The following PPP1R1C variants were observed in gnomAD, a reference collection of about 807,000 sequenced individuals.
The protein encoded by PPP1R1C is protein phosphatase 1 regulatory inhibitor subunit 1C.
A neutral mutation model predicts 17.4 loss-of-function variants in PPP1R1C; 15 were observed. The ratio of observed to expected loss-of-function variants is 0.86; its 90% CI spans 0.58 to 1.33. The LOEUF is 1.33. Ranked by LOEUF, PPP1R1C falls within the 40% of genes most tolerant of loss-of-function variation. PPP1R1C has a pLI of 0.00. For missense variants in PPP1R1C, 143 were observed against 130.0 expected (o/e 1.10, Z -0.48); for synonymous variants, 35 against 43.1 (o/e 0.81, Z 0.73).
At chr2:182,123,174 G>A (rs1038062083) in intron 5 of PPP1R1C, among the ~76,000 whole-genome samples, 1 of 152,186 alleles carries the variant, frequency 6.6e-6, no homozygotes. Flanking sequence ...GCCTGCAAAG[G>A]ACAAGAACTC....
At chr2:182,045,151 A>T (rs1237690725) in intron 2 of PPP1R1C, among the ~76,000 whole-genome samples, 1 of 152,230 alleles carries the variant, frequency 6.6e-6, no homozygotes. Context: ...ATTTGAGACA[A>T]GAAAACTGAG....
intron 2 of PPP1R1C, among the ~76,000 whole-genome samples, chr2:182,010,430 T>C (rs1243451418): frequency 1.3e-5 from 2 of 152,096 alleles, no homozygotes; most frequent in African/African-American, 4.8e-5. Flanking sequence ...GATTGTTTAC[T>C]GTTGCCATAT....
intron 2 of PPP1R1C, among the ~76,000 whole-genome samples, chr2:182,051,567 C>T (rs1687519150): frequency 1.3e-5 from 2 of 152,142 alleles, no homozygotes; most frequent in South Asian, 2.1e-4. Flanking sequence ...CATAAACTTA[C>T]ATGGCCTCTA....
At chr2:182,080,076 G>A (rs971880982) in intron 4 of PPP1R1C, among the ~76,000 whole-genome samples, 1 of 152,180 alleles carries the variant, frequency 6.6e-6, no homozygotes, top group Non-Finnish European at 1.5e-5. Context: ...ATACCTCACT[G>A]GTTTTGAGGA....
At chr2:182,077,592 A>G (rs1054127647) in intron 4 of PPP1R1C, among the ~76,000 whole-genome samples, 1 of 152,178 alleles carries the variant, frequency 6.6e-6, no homozygotes, top group Non-Finnish European at 1.5e-5. Context: ...GTAATTACTC[A>G]ATAGACCAGA....
chr2:181,967,323 T>C lies in PPP1R1C; in HGVS notation n.112-7896T>C, dbSNP rs919914034. ...CTGCTCTGATACCTGTGGGGTTTTT[T>C]TTCTTGTACTAATTTTGGGTTTGGT... On this transcript the variant is annotated intron_variant and non_coding_transcript_variant, in intron 1 of 5. Transcript: ENST00000464264. The surrounding 1 kb of genome is among the most constrained non-coding windows in gnomAD (Gnocchi z 5.5). Among the ~76,000 whole-genome samples, 3 of 152,144 alleles carry C rather than the reference T, an allele frequency of 2.0e-5. No homozygotes were observed. Among genetic ancestry groups the C allele is most frequent in the Non-Finnish European group, 4.4e-5 (3 of 68,016 alleles).
chr2:182,015,929 C>T (rs1252953894), intron 2 of PPP1R1C, among the ~76,000 whole-genome samples: 1 of 152,178 alleles, frequency 6.6e-6, no homozygotes, highest in East Asian at 1.9e-4. Flanking sequence ...TGGTATCTCA[C>T]TAGGTCATTT....
chr2:182,053,800 G>A (rs1485938001), intron 2 of PPP1R1C, among the ~76,000 whole-genome samples: 4 of 150,798 alleles, frequency 2.7e-5, no homozygotes, highest in Admixed American at 6.6e-5. Context: ...ATTCTTTTGA[G>A]ACAGAATTTT....
At chr2:182,090,082 A>T (rs1248038632) in intron 4 of PPP1R1C, among the ~76,000 whole-genome samples, 1 of 152,142 alleles carries the variant, frequency 6.6e-6, no homozygotes, top group Non-Finnish European at 1.5e-5. Flanking sequence ...CAAGAAATAG[A>T]TTCATTTTCC....
chr2:182,061,214 G>A (rs1309938672), intron 2 of PPP1R1C, among the ~76,000 whole-genome samples: 2 of 152,032 alleles, frequency 1.3e-5, no homozygotes, highest in Non-Finnish European at 2.9e-5. Flanking sequence ...GAGAAATCTG[G>A]GATGTCAAGA....
intron 1 of PPP1R1C, among the ~76,000 whole-genome samples, chr2:181,969,830 A>G (rs1283831211): frequency 6.6e-6 from 1 of 152,132 alleles, no homozygotes; most frequent in East Asian, 1.9e-4. Context: ...TGTGTTTTCA[A>G]ACAGCCTGTC....
intron 2 of PPP1R1C, among the ~76,000 whole-genome samples, chr2:182,010,545 A>G (rs1344892494): frequency 6.6e-6 from 1 of 152,040 alleles, no homozygotes; most frequent in East Asian, 1.9e-4. Flanking sequence ...GTTTTTCCAA[A>G]TATAAGATCA....
At chr2:182,017,652 T>C (rs187022134) in intron 2 of PPP1R1C, among the ~76,000 whole-genome samples, 5 of 152,218 alleles carry the variant, frequency 3.3e-5, no homozygotes, top group African/African-American at 9.6e-5. Context: ...GTAGATGCAG[T>C]GATGAAGAAA....
At chr2:181,972,891 A>G (rs1685036224) in intron 1 of PPP1R1C, among the ~76,000 whole-genome samples, 1 of 152,222 alleles carries the variant, frequency 6.6e-6, no homozygotes, top group African/African-American at 2.4e-5. Flanking sequence ...AGCTTAGCAC[A>G]TTACAACCTG....
At position 181,993,481 on chromosome 2, in the gene PPP1R1C, T is replaced by C. The variant is rs151197661; in HGVS notation, c.142+5582T>C. On this transcript the variant is annotated intron_variant, in intron 2 of 4. Transcript: ENST00000682840. ...TACTGGCCCATTGTCCACATACTTA[T>C]GTTGCATTTTAAATGGTCTCATTTG... is the stretch of plus-strand genomic sequence containing the variant. Among the ~76,000 whole-genome samples the C allele has an allele frequency of 5.9e-3, 905 of 152,294 alleles. 9 individuals carry two copies. Among genetic ancestry groups the C allele is most frequent in the Non-Finnish European group, 9.6e-3 (651 of 67,996 alleles).
At position 182,084,557 on chromosome 2, in the gene PPP1R1C, A is replaced by G. The variant is rs141784813; in HGVS notation, c.241+20766A>G. On this transcript the variant is annotated intron_variant, in intron 4 of 4. Transcript: ENST00000682840. ...CCCATTTTATGTTTTTGTATGCTTC[A>G]TTTAAGATCAGCTGGCTGTATTTGG... is the stretch of plus-strand genomic sequence containing the variant. Among the ~76,000 whole-genome samples, 375 of 152,006 alleles carry G rather than the reference A, an allele frequency of 2.5e-3. 4 individuals carry two copies. The highest frequency in any genetic ancestry group is 8.5e-3 in the African/African-American group (352 of 41,532).
intron 4 of PPP1R1C, among the ~76,000 whole-genome samples, chr2:182,103,137 C>A (rs986769675): frequency 1.6e-4 from 25 of 151,900 alleles, no homozygotes; most frequent in African/African-American, 5.8e-4. Context: ...TTTATAATGT[C>A]TAAAAGTTGG....
At position 181,976,919 on chromosome 2, in the gene PPP1R1C, C is replaced by CTTGAGGCCAGGAGT. The variant is rs1433043647; in HGVS notation, n.157+1657_157+1670dup. 1.3e-5 allele frequency among the ~76,000 whole-genome samples: 2 copies of CTTGAGGCCAGGAGT among 151,780 alleles called. No homozygotes were observed. The highest frequency in any genetic ancestry group is 4.8e-5 in the African/African-American group (2 of 41,320). Reference sequence around the variant, plus strand: ...TTGGGATGCTGAGGCAGGTGGATCACTTGAGGCCAGGAGTTCAAGACCAGC... The same window carrying CTTGAGGCCAGGAGT: ...TTGGGATGCTGAGGCAGGTGGATCACTTGAGGCCAGGAGTTTGAGGCCAGGAGTTCAAGACCAGC... On this transcript the variant is annotated intron_variant and non_coding_transcript_variant, in intron 2 of 5. Transcript: ENST00000464264. The surrounding 1 kb of genome is among the most constrained non-coding windows in gnomAD (Gnocchi z 4.8).
intron 4 of PPP1R1C, among the ~76,000 whole-genome samples, chr2:182,071,850 T>C (rs1384156344): frequency 2.0e-5 from 3 of 152,230 alleles, no homozygotes; most frequent in Admixed American, 2.0e-4. Flanking sequence ...CTGTGTCCCA[T>C]TGACATATTC....
Sources: gnomAD v4.1 joint callset for allele counts (sites outside exome capture counted in the v4.1 genomes callset) on GRCh38, gnomAD v4.1.1 for gene constraint, Gnocchi (gnomAD v3.1) non-coding constraint, MANE v1.5 for transcripts, NCBI Gene and HGNC (gene_info 2026-07-23, HGNC 2026-07-21) for gene names.